LYZL1: variants seen among roughly 807,000 people sequenced by gnomAD.
LYZL1 encodes the protein lysozyme-like protein 1.
A neutral mutation model predicts 17.9 loss-of-function variants in LYZL1; 16 were observed. The ratio of observed to expected loss-of-function variants is 0.90; its 90% CI spans 0.61 to 1.36. The LOEUF is 1.36. LYZL1 is among the 40% of genes most tolerant of loss of function. LYZL1 has a pLI of 0.00. For synonymous variants in LYZL1, 58 were observed against 71.8 expected (o/e 0.81, Z 0.97); for missense variants, 149 against 188.4 (o/e 0.79, Z 1.22).
At chr10:29,309,015 C>T (rs1835634207) in intron 3 of LYZL1, among the ~76,000 whole-genome samples, 2 of 151,616 alleles carry the variant, frequency 1.3e-5, no homozygotes, top group Non-Finnish European at 2.9e-5. Flanking sequence ...TGACTTAAAA[C>T]TTAAAACTTT....
Position 29,311,041 on chromosome 10 carries a change from A to G in LYZL1, c.429A>G (p.Lys143=). ...CEGRDLSEWK[K]GCEVS ...GCAGAGACCTGTCCGAGTGGAAAAA[A>G]GGCTGTGAGGTTTCCTAAACTGGAA... The change falls in exon 5 of 5, where the codon AAA becomes AAG. Residue 143 remains lysine, a synonymous_variant. Coordinates refer to ENST00000649382, the MANE Select transcript of LYZL1 (RefSeq NM_032517.6). 1 of 1,614,156 alleles carries G rather than the reference A, an allele frequency of 6.2e-7. No individual in the cohort carries two copies. The highest frequency in any genetic ancestry group is 2.2e-5 in the East Asian group (1 of 44,878).
intron 3 of LYZL1, 40 bp from the exon 4 acceptor site, chr10:29,310,070 C>A: frequency 6.8e-7 from 1 of 1,469,360 alleles, no homozygotes; most frequent in Non-Finnish European, 9.4e-7. Flanking sequence ...TCTCCAACAA[C>A]AAAGTCTCGC....
At chr10:29,314,480 G>A (rs1234660009), downstream of LYZL1, among the ~76,000 whole-genome samples, 1 of 152,170 alleles carries the variant, frequency 6.6e-6, no homozygotes, top group African/African-American at 2.4e-5. Flanking sequence ...TGCGTGTGGT[G>A]GTGCACACCT....
At chr10:29,289,492 C>T (rs865806657) in intron 1 of LYZL1, among the ~76,000 whole-genome samples, 12 of 149,146 alleles carry the variant, frequency 8.0e-5, no homozygotes, top group Non-Finnish European at 1.6e-4. Flanking sequence ...AATCATGGCT[C>T]ACTATGGCCT....
intron 2 of LYZL1, among the ~76,000 whole-genome samples, chr10:29,292,259 T>C (rs1332205429): frequency 6.6e-6 from 1 of 150,988 alleles, no homozygotes; most frequent in Non-Finnish European, 1.5e-5. Flanking sequence ...CCACCTCTGC[T>C]GGCATTGTGG....
chr10:29,298,650 G>A (rs960500673), intron 3 of LYZL1, among the ~76,000 whole-genome samples: 10 of 152,174 alleles, frequency 6.6e-5, no homozygotes, highest in African/African-American at 2.4e-4. Flanking sequence ...GGAAGACATG[G>A]TTCAGGAAAC....
At chr10:29,298,213 A>T (rs4526676) in intron 3 of LYZL1, among the ~76,000 whole-genome samples, 44,086 of 151,946 alleles carry the variant, frequency 0.29, 6,477 homozygotes, top group Middle Eastern at 0.37. Flanking sequence ...GGCAATTACC[A>T]CCCCCTTGCC....
In LYZL1 at chr10:29,289,089, C is replaced by T. The variant is rs1482819224; in HGVS notation, c.-167C>T. 12 of 1,541,694 alleles carry T rather than the reference C, an allele frequency of 7.8e-6. No individual in the cohort carries two copies. The highest frequency in any genetic ancestry group is 1.4e-5 in the African/African-American group (1 of 72,710). On this transcript the variant is annotated 5_prime_UTR_variant, in exon 1 of 5. Coordinates refer to ENST00000649382, the MANE Select transcript of LYZL1 (RefSeq NM_032517.6). ...TGAGCTAGGAAAGGATTACTCGCGCCTCGTTAGAATCAGACATGGCTTCAG... is the reference window on the plus strand; with the variant it reads ...TGAGCTAGGAAAGGATTACTCGCGCTTCGTTAGAATCAGACATGGCTTCAG...
At chr10:29,316,731 G>A (rs1289809862) in intron 3 of LYZL1, among the ~76,000 whole-genome samples, 1 of 76,954 alleles carries the variant, frequency 1.3e-5, no homozygotes, top group African/African-American at 5.0e-5. Context: ...TTTTTTTTTA[G>A]AGGCAATGTC....
chr10:29,295,252 T>G (rs1255699293), intron 3 of LYZL1, among the ~76,000 whole-genome samples: 2 of 152,246 alleles, frequency 1.3e-5, no homozygotes, highest in African/African-American at 4.8e-5. Context: ...TCTAACCTTC[T>G]ATATCAATCC....
intron 3 of LYZL1, among the ~76,000 whole-genome samples, chr10:29,306,000 G>C (rs75283624): frequency 0.017 from 2,566 of 152,136 alleles, 68 homozygotes; most frequent in African/African-American, 0.059. Context: ...ATTTTTTTCT[G>C]GTATCAAAAA....
intron 1 of LYZL1, among the ~76,000 whole-genome samples, chr10:29,290,491 C>T (rs10763701): frequency 0.53 from 80,047 of 152,040 alleles, 21,709 homozygotes; most frequent in African/African-American, 0.66. Flanking sequence ...GGAGGCCCCC[C>T]GGAGCACTGG....
At chr10:29,316,022 C>T (rs920106513), downstream of LYZL1, among the ~76,000 whole-genome samples, 3 of 152,166 alleles carry the variant, frequency 2.0e-5, no homozygotes, top group Non-Finnish European at 4.4e-5. Flanking sequence ...CATCCCCCAG[C>T]GCTTGGGCTG....
chr10:29,302,860 G>C (rs1835539961), intron 3 of LYZL1, among the ~76,000 whole-genome samples: 1 of 152,064 alleles, frequency 6.6e-6, no homozygotes, highest in Admixed American at 6.5e-5. Flanking sequence ...AAAGAGTGTT[G>C]AATTTCTTTT....
At chr10:29,305,027 C>T (rs180924892) in intron 3 of LYZL1, among the ~76,000 whole-genome samples, 141 of 152,308 alleles carry the variant, frequency 9.3e-4, no homozygotes, top group African/African-American at 3.1e-3. Flanking sequence ...TCTTTCTGTA[C>T]ATGCCTGGGA....
chr10:29,292,275 G>C (rs1311284851), intron 2 of LYZL1, among the ~76,000 whole-genome samples: 1 of 151,214 alleles, frequency 6.6e-6, no homozygotes, highest in South Asian at 2.1e-4. Flanking sequence ...TGTGGGGAGT[G>C]GGGGGACCTG....
At chr10:29,311,859 T>G (rs916584495), downstream of LYZL1, among the ~76,000 whole-genome samples, 2 of 151,952 alleles carry the variant, frequency 1.3e-5, no homozygotes, top group Non-Finnish European at 2.9e-5. Flanking sequence ...GTGCCTGTAA[T>G]GCCAGCTACT....
At chr10:29,296,282 T>G (rs1827518461) in intron 3 of LYZL1, among the ~76,000 whole-genome samples, 1 of 152,266 alleles carries the variant, frequency 6.6e-6, no homozygotes, top group African/African-American at 2.4e-5. Context: ...GGTGACTAAC[T>G]TAGTGATTAA....
At chr10:29,293,465 G>A (rs1835405011) in intron 3 of LYZL1, among the ~76,000 whole-genome samples, 1 of 152,056 alleles carries the variant, frequency 6.6e-6, no homozygotes, top group Non-Finnish European at 1.5e-5. Flanking sequence ...TAGAAATTAA[G>A]CTAGAATTTA....
Sources: allele counts gnomAD v4.1 joint callset (sites outside exome capture counted in the v4.1 genomes callset), GRCh38; gene constraint gnomAD v4.1.1; transcripts MANE v1.5; gene names NCBI Gene and HGNC (gene_info 2026-07-23, HGNC 2026-07-21).